The following MTURN variants were observed in gnomAD, a reference collection of about 807,000 sequenced individuals.
The protein encoded by MTURN is maturin.
MTURN carries 7 observed loss-of-function variants against 14.9 expected under a neutral mutation model. That is an observed-to-expected ratio of 0.47 (90% CI 0.27 to 0.88). The LOEUF (loss-of-function observed/expected upper bound fraction) is 0.88, where lower values mean the gene tolerates loss of function less well. Among genes scored for constraint, MTURN ranks in the 40% least tolerant of loss-of-function variants. MTURN has a pLI of 0.14. For missense variants in MTURN, 151 were observed against 174.1 expected, an observed-to-expected ratio of 0.87 and a Z score of 0.75; for synonymous variants, 69 against 72.5, an observed-to-expected ratio of 0.95 and a Z score of 0.25.
At chr7:30,138,998 C>G (rs1258243118) in intron 1 of MTURN, among the ~76,000 whole-genome samples, 1 of 152,196 alleles carries the variant, frequency 6.6e-6, no homozygotes, top group Non-Finnish European at 1.5e-5. Context: ...TTTTATTCTT[C>G]CCATAGCACT....
At chr7:30,149,665 A>T (rs541148729) in intron 2 of MTURN, among the ~76,000 whole-genome samples, 2 of 152,326 alleles carry the variant, frequency 1.3e-5, no homozygotes, top group South Asian at 4.1e-4. Context: ...TTTGTTACAG[A>T]TAAGACATAG....
At position 30,138,959 on chromosome 7, in the gene MTURN, CT is replaced by C. The variant is rs202037345; in HGVS notation, c.162+3662del. On this transcript the variant is annotated intron_variant, in intron 1 of 2. Coordinates refer to ENST00000324453, the MANE Select transcript of MTURN (RefSeq NM_152793.3). ...CTCCTGAGGCCCAAGAGAAGCCTTC[CT>C]GACCACATGTTCTTAGATCTCACCC... 8.9e-3 allele frequency among the ~76,000 whole-genome samples: 1,356 copies of C among 152,300 alleles called. 9 individuals are homozygous for C. The highest frequency in any genetic ancestry group is 0.013 in the Non-Finnish European group (900 of 68,022).
In MTURN at chr7:30,161,260, G is replaced by C. The variant is rs954468942; in HGVS notation, c.*3712G>C. ...TTGGGGTGGGAGGAGATGAATAAGG[G>C]AGAATGGGAGAGTTGGGGTCTGACA... On this transcript the variant is annotated 3_prime_UTR_variant, in exon 3 of 3. Coordinates refer to ENST00000324453, the MANE Select transcript of MTURN (RefSeq NM_152793.3). 1 of 152,304 alleles carries C rather than the reference G, an allele frequency of 6.6e-6. No homozygotes were observed. The highest frequency in any genetic ancestry group is 1.5e-5 in the Non-Finnish European group (1 of 68,040). 9.4% of individuals were successfully genotyped at this position (152,304 alleles called of 1,614,324 possible).
At position 30,158,959 on chromosome 7, in the gene MTURN, C is replaced by T. The variant is rs1797329242; in HGVS notation, c.*1411C>T. The T allele has an allele frequency of 6.6e-6, 1 of 152,118 alleles. No individual in the cohort carries two copies. Among genetic ancestry groups the T allele is most frequent in the Non-Finnish European group, 1.5e-5 (1 of 68,030 alleles). The allele number at this position is 152,118 out of a possible 1,614,324, so 9.4% of individuals were successfully genotyped here. A position where few individuals can be genotyped will look rare whatever the true frequency, so the allele number is the denominator to read the frequency against. On this transcript the variant is annotated 3_prime_UTR_variant, in exon 3 of 3. Transcript: ENST00000324453. ...AGCAGTAGCAGCAGAGGCCACAGAA[C>T]TTATGGGAGTCTTGTATATCTTCCA...
chr7:30,138,120 T>C (rs1182373162), intron 1 of MTURN, among the ~76,000 whole-genome samples: 1 of 152,140 alleles, frequency 6.6e-6, no homozygotes, highest in Non-Finnish European at 1.5e-5. Flanking sequence ...TACTTTTTTT[T>C]TCTTTTTCTT....
intron 2 of MTURN, among the ~76,000 whole-genome samples, chr7:30,151,261 G>A (rs544803523): frequency 1.6e-4 from 24 of 152,324 alleles, no homozygotes; most frequent in African/African-American, 5.5e-4. Context: ...TGGCATCCAC[G>A]AGCAGGTACT....
At chr7:30,153,792 A>C (rs1218115345) in intron 2 of MTURN, among the ~76,000 whole-genome samples, 4 of 152,122 alleles carry the variant, frequency 2.6e-5, no homozygotes, top group Admixed American at 2.6e-4. Context: ...ATCTTGGCTC[A>C]CTGCAACCTC....
At chr7:30,157,302 G>T in intron 2 of MTURN, 136 bp from the exon 3 acceptor site, 1 of 568,076 alleles carries the variant, frequency 1.8e-6, no homozygotes, top group South Asian at 3.6e-5. Flanking sequence ...GAAAATCATT[G>T]TAGGGGTGGT....
At chr7:30,147,166 A>G (rs1356160059) in intron 2 of MTURN, among the ~76,000 whole-genome samples, 1 of 152,068 alleles carries the variant, frequency 6.6e-6, no homozygotes. Context: ...ATGATATTTC[A>G]TTTTGTAAGT....
chr7:30,135,965 C>T (rs547730604), intron 1 of MTURN, among the ~76,000 whole-genome samples: 24 of 147,620 alleles, frequency 1.6e-4, no homozygotes, highest in African/African-American at 5.8e-4. Context: ...TGCGCATACA[C>T]CCCAACACAC....
intron 1 of MTURN, among the ~76,000 whole-genome samples, chr7:30,140,531 G>A (rs73689411): frequency 0.013 from 1,912 of 152,152 alleles, 35 homozygotes; most frequent in African/African-American, 0.043. Context: ...TCCCGCTTAT[G>A]TGCTGGTATA....
intron 1 of MTURN, among the ~76,000 whole-genome samples, chr7:30,139,195 A>G (rs79413509): frequency 0.012 from 1,774 of 152,318 alleles, 19 homozygotes; most frequent in Non-Finnish European, 0.02. Context: ...AGACATGTCA[A>G]ATGTCAAGAA....
chr7:30,143,135 C>G (rs1797076271), intron 1 of MTURN, among the ~76,000 whole-genome samples: 1 of 152,154 alleles, frequency 6.6e-6, no homozygotes, highest in African/African-American at 2.4e-5. Flanking sequence ...AGAATAACCG[C>G]TCTGCCCCCA....
At chr7:30,148,039 G>T (rs549868564) in intron 2 of MTURN, among the ~76,000 whole-genome samples, 88 of 152,304 alleles carry the variant, frequency 5.8e-4, no homozygotes, top group African/African-American at 1.9e-3. Flanking sequence ...GTGCTCCAGT[G>T]GGGGGAGACA....
intron 2 of MTURN, among the ~76,000 whole-genome samples, chr7:30,149,516 A>T (rs1247431587): frequency 6.6e-6 from 1 of 152,154 alleles, no homozygotes; most frequent in East Asian, 1.9e-4. Flanking sequence ...TGCGCCCCAG[A>T]CTGAATGAGA....
chr7:30,140,415 G>GTATATATATATATATA lies in MTURN; in HGVS notation c.162+5120_162+5121insATATATATATATATAT, dbSNP rs767262743. On this transcript the variant is annotated intron_variant, in intron 1 of 2. Transcript: ENST00000324453. ...GAGGGGTGTGTGTGTGTGTGTGTGT[G>GTATATATATATATATA]TATCCCCATTTGTGGTCTGAACACA... 1.1e-3 allele frequency among the ~76,000 whole-genome samples: 158 copies of GTATATATATATATATA among 143,814 alleles called. 1 individual carries two copies. The highest frequency in any genetic ancestry group is 3.9e-3 in the African/African-American group (153 of 39,354). 94.3% of individuals were successfully genotyped at this position (143,814 alleles called of 152,430 possible). A position where few individuals can be genotyped will look rare whatever the true frequency, so the allele number is the denominator to read the frequency against.
intron 2 of MTURN, among the ~76,000 whole-genome samples, chr7:30,149,737 T>C (rs909943582): frequency 2.6e-5 from 4 of 152,238 alleles, no homozygotes; most frequent in African/African-American, 9.6e-5. Context: ...ACCCAAATGC[T>C]ACAGGTTATC....
At chr7:30,141,414 CAAAAAAAAAAAA>C (rs67296963) in intron 1 of MTURN, 1 of 92,020 alleles carries the variant, frequency 1.1e-5, no homozygotes, top group Non-Finnish European at 2.1e-5. Context: ...GACTCCGTCT[CAAAAAAAAAAAA>C]AAAAAAAGAG....
chr7:30,135,441 G>T (rs1305481871), intron 1 of MTURN, 143 bp downstream of exon 1: 2 of 667,572 alleles, frequency 3.0e-6, no homozygotes, highest in Non-Finnish European at 3.9e-6. Context: ...CGCGTGCTCC[G>T]CCGGGGAAGC....
Sources: gnomAD v4.1 joint callset for allele counts (sites outside exome capture counted in the v4.1 genomes callset) on GRCh38, gnomAD v4.1.1 for gene constraint, MANE v1.5 for transcripts, NCBI Gene and HGNC (gene_info 2026-07-23, HGNC 2026-07-21) for gene names.